Variants in SNRPD1 observed in about 807,000 individuals in gnomAD.
SNRPD1 encodes small nuclear ribonucleoprotein D1 polypeptide.
In SNRPD1, 1 loss-of-function variant was observed where a neutral mutation model predicts 14.4. The observed-to-expected ratio is 0.07, with a 90% CI of 0.02 to 0.33. SNRPD1 has a LOEUF of 0.33. Ranked by LOEUF, SNRPD1 falls within the 10% of genes least tolerant of loss-of-function variation. The probability of loss-of-function intolerance (pLI) is 1.00; values close to 1 mark genes in which losing one functional copy is unlikely to be tolerated. For missense variants in SNRPD1, 52 were observed against 146.4 expected, an observed-to-expected ratio of 0.36 and a Z score of 3.33; for synonymous variants, 42 against 50.3, an observed-to-expected ratio of 0.83 and a Z score of 0.70.
chr18:21,614,657 T>C (rs1568122667), intron 1 of SNRPD1, among the ~76,000 whole-genome samples: 1 of 152,220 alleles, frequency 6.6e-6, no homozygotes, highest in Non-Finnish European at 1.5e-5. Context: ...TGACATTTGA[T>C]ACATTGCCAA....
chr18:21,618,102 C>T (rs1445677823), intron 1 of SNRPD1, among the ~76,000 whole-genome samples: 7 of 151,972 alleles, frequency 4.6e-5, no homozygotes, highest in Admixed American at 4.6e-4. Context: ...CTCCCCTCTC[C>T]ACATGCTACA....
At chr18:21,628,703 T>A (rs562338233) in intron 3 of SNRPD1, among the ~76,000 whole-genome samples, 1 of 152,350 alleles carries the variant, frequency 6.6e-6, no homozygotes, top group South Asian at 2.1e-4. Context: ...CATGTTTTAT[T>A]CTGTGATATA....
chr18:21,617,994 A>G (rs771523035), intron 1 of SNRPD1, among the ~76,000 whole-genome samples: 32 of 152,142 alleles, frequency 2.1e-4, no homozygotes, highest in Middle Eastern at 3.4e-3. Flanking sequence ...TTGTATCTAT[A>G]ATTACTCTGT....
rs752953917 is a variant in SNRPD1 at position 21,612,405 on chromosome 18, C to T, written c.-25C>T. 6 of 1,550,002 alleles carry T rather than the reference C, an allele frequency of 3.9e-6. No homozygotes were observed. The highest frequency in any genetic ancestry group is 5.3e-6 in the Non-Finnish European group (6 of 1,139,940). On this transcript the variant is annotated 5_prime_UTR_variant, in exon 1 of 4. Coordinates refer to ENST00000300413, the MANE Select transcript of SNRPD1 (RefSeq NM_006938.4). ...TTGAAGGATTCTGTGTGCTGTCGGA[C>T]CCAGAGGGTGACGGCGCCGCTAGGA...
chr18:21,628,275 G>A (rs1386269362), intron 3 of SNRPD1, among the ~76,000 whole-genome samples: 1 of 152,134 alleles, frequency 6.6e-6, no homozygotes, highest in Non-Finnish European at 1.5e-5. Flanking sequence ...AGCTACTCAG[G>A]AGGCTTAGAT....
At chr18:21,626,704 C>G (rs541005610) in intron 3 of SNRPD1, among the ~76,000 whole-genome samples, 1 of 149,718 alleles carries the variant, frequency 6.7e-6, no homozygotes, top group African/African-American at 2.5e-5. Context: ...GGGAATTGCT[C>G]GAACCTGGGA....
chr18:21,631,427 GTTTTTTTTTTTT>G lies in SNRPD1; in HGVS notation c.*2304_*2315del, dbSNP rs56754076. The G allele has an allele frequency of 1.0e-4, 7 of 67,430 alleles. No individual in the cohort carries two copies. Among genetic ancestry groups the G allele is most frequent in the South Asian group, 5.4e-4 (1 of 1,844 alleles). The allele number at this position is 67,430 out of a possible 1,614,324, so 4.2% of individuals were successfully genotyped here. A position where few individuals can be genotyped will look rare whatever the true frequency, so the allele number is the denominator to read the frequency against. On this transcript the variant is annotated 3_prime_UTR_variant, in exon 4 of 4. Coordinates refer to ENST00000300413, the MANE Select transcript of SNRPD1 (RefSeq NM_006938.4). ...ACCAATATGTAATTTTTCTCCACAC[GTTTTTTTTTTTT>G]TTTTTTTTTTTTTTCTGGAGACAGT...
intron 1 of SNRPD1, among the ~76,000 whole-genome samples, chr18:21,621,944 G>A (rs1416906642): frequency 6.6e-6 from 1 of 152,160 alleles, no homozygotes; most frequent in African/African-American, 2.4e-5. Flanking sequence ...GCTAAACGAG[G>A]ACTACAAGTT....
intron 1 of SNRPD1, among the ~76,000 whole-genome samples, chr18:21,618,907 T>C (rs1441335785): frequency 1.3e-5 from 2 of 152,220 alleles, no homozygotes; most frequent in Admixed American, 1.3e-4. Context: ...GGATTAGATA[T>C]AGAGCTTACG....
At chr18:21,619,284 A>G (rs892916115) in intron 1 of SNRPD1, among the ~76,000 whole-genome samples, 8 of 152,164 alleles carry the variant, frequency 5.3e-5, no homozygotes, top group East Asian at 1.9e-4. Flanking sequence ...GGCTCAAGCA[A>G]TTCTCCTGCC....
intron 3 of SNRPD1, among the ~76,000 whole-genome samples, chr18:21,624,248 G>A (rs1172949392): frequency 2.0e-5 from 3 of 151,752 alleles, no homozygotes. Context: ...GCATGGTGGC[G>A]GGTGCCTGTA....
chr18:21,622,919 G>A, intron 2 of SNRPD1, 118 bp downstream of exon 2: 1 of 495,918 alleles, frequency 2.0e-6, no homozygotes, highest in Admixed American at 4.1e-5. Flanking sequence ...TTTTTTGTCT[G>A]AATTATGTAA....
At chr18:21,624,518 C>T (rs996765935) in intron 3 of SNRPD1, among the ~76,000 whole-genome samples, 4 of 151,706 alleles carry the variant, frequency 2.6e-5, no homozygotes, top group Non-Finnish European at 4.4e-5. Context: ...ATGGCGAAAC[C>T]CCCTCTCTAC....
At position 21,630,726 on chromosome 18, in the gene SNRPD1, C is replaced by T. The variant is rs1008695181; in HGVS notation, c.*1588C>T. 3.3e-4 allele frequency: 50 copies of T among 150,506 alleles called. No individual in the cohort carries two copies. Among genetic ancestry groups the T allele is most frequent in the African/African-American group, 1.0e-3 (41 of 41,122 alleles). The allele number at this position is 150,506 out of a possible 1,614,324, so 9.3% of individuals were successfully genotyped here. ...AGTGAGCCGAGATTGTGCCACTGCA[C>T]TCCAGCCTGGGCGATGGAGTGAGAC... is the stretch of plus-strand genomic sequence containing the variant. On this transcript the variant is annotated 3_prime_UTR_variant, in exon 4 of 4. Coordinates refer to ENST00000300413, the MANE Select transcript of SNRPD1 (RefSeq NM_006938.4).
At position 21,622,752 on chromosome 18, in the gene SNRPD1, T is replaced by C; in HGVS notation, c.42T>C (p.Thr14=). Residue 14 remains threonine, a synonymous_variant, in exon 2 of 4, where the codon ACT becomes ACC. Transcript: ENST00000300413. ...VRFLMKLSHE[T]VTIELKNGTQ... is the part of the protein sequence containing the mutation. ...TTTTGATGAAATTGAGTCATGAAAC[T>C]GTAACCATTGAATTGAAGAACGGAA... The C allele has an allele frequency of 6.3e-7, 1 of 1,575,084 alleles. No homozygotes were observed. Among genetic ancestry groups the C allele is most frequent in the Middle Eastern group, 1.7e-4 (1 of 6,000 alleles).
chr18:21,624,012 T>TGAA, intron 3 of SNRPD1, 73 bp downstream of exon 3: 1 of 859,962 alleles, frequency 1.2e-6, no homozygotes, highest in Non-Finnish European at 1.8e-6. Flanking sequence ...ATAGATATTA[T>TGAA]TTGCAAACAA....
chr18:21,612,364 G>T lies in SNRPD1; in HGVS notation c.-66G>T. 1.5e-6 allele frequency: 2 copies of T among 1,348,728 alleles called. No individual in the cohort carries two copies. 83.5% of individuals were successfully genotyped at this position (1,348,728 alleles called of 1,614,324 possible). Reference sequence around the variant, plus strand: ...GGCGCTTCCGGCCATTCATACTGCAGTCGGTCAGTGTTCGGTTGAAGGATT... The same window carrying T: ...GGCGCTTCCGGCCATTCATACTGCATTCGGTCAGTGTTCGGTTGAAGGATT... On this transcript the variant is annotated 5_prime_UTR_variant, in exon 1 of 4. Transcript: ENST00000300413.
intron 1 of SNRPD1, among the ~76,000 whole-genome samples, chr18:21,619,044 G>A (rs529703378): frequency 2.6e-5 from 4 of 152,194 alleles, no homozygotes; most frequent in Non-Finnish European, 5.9e-5. Context: ...TATATGAACT[G>A]TGTATTGTAT....
intron 3 of SNRPD1, among the ~76,000 whole-genome samples, chr18:21,624,576 A>G (rs1169378610): frequency 1.3e-5 from 2 of 151,330 alleles, no homozygotes; most frequent in African/African-American, 4.9e-5. Context: ...CTTTAGTCCC[A>G]GTTACTCGGG....
Sources: gnomAD v4.1 joint callset for allele counts (sites outside exome capture counted in the v4.1 genomes callset) on GRCh38, gnomAD v4.1.1 for gene constraint, MANE v1.5 for transcripts, NCBI Gene and HGNC (gene_info 2026-07-23, HGNC 2026-07-21) for gene names.